MARK4: variants seen among roughly 807,000 people sequenced by gnomAD.
The protein encoded by MARK4 is microtubule affinity regulating kinase 4.
In MARK4, 19 loss-of-function variants were observed where a neutral mutation model predicts 81.5. The ratio of observed to expected loss-of-function variants is 0.23; its 90% CI spans 0.16 to 0.34. The LOEUF is 0.34. Ranked by LOEUF, MARK4 falls within the 10% of genes least tolerant of loss-of-function variation. MARK4 has a pLI of 1.00. For missense variants in MARK4, 772 were observed against 1,058.8 expected, an observed-to-expected ratio of 0.73 and a Z score of 3.76; for synonymous variants, 436 against 439.0, an observed-to-expected ratio of 0.99 and a Z score of 0.08.
chr19:45,273,243 G>A (rs1012740377), intron 8 of MARK4, among the ~76,000 whole-genome samples: 2 of 152,054 alleles, frequency 1.3e-5, no homozygotes, highest in South Asian at 2.1e-4. Flanking sequence ...CTTCACAATC[G>A]CTGGCCTGTG....
rs1464655246 is a variant in MARK4 at position 45,279,407 on chromosome 19, C to G, written c.1006+792C>G. Among the ~76,000 whole-genome samples the G allele has an allele frequency of 2.6e-5, 4 of 152,252 alleles. No homozygotes were observed. In the South Asian group the frequency reaches 6.2e-4, roughly 24 times the overall value. ...TGGCAGGCACCCGTAATCCCAGCTC[C>G]TCTGGAGGCTGAGGCACGAGAATTG... is the stretch of plus-strand genomic sequence containing the variant. On this transcript the variant is annotated intron_variant, in intron 10 of 16. Coordinates refer to ENST00000262891, the MANE Select transcript of MARK4 (RefSeq NM_001199867.2).
rs1485762517 is a variant in MARK4, at chr19:45,264,727, G to A, written c.399G>A (p.Leu133=). The A allele has an allele frequency of 2.5e-6, 4 of 1,614,110 alleles. No homozygotes were observed. Among genetic ancestry groups the A allele is most frequent in the Non-Finnish European group, 3.4e-6 (4 of 1,180,034 alleles). ...EVIETEKTLY[L]VMEYASAGEV... is the part of the protein sequence containing the mutation. The stretch of plus-strand genomic sequence containing the variant: ...TTGAGACTGAGAAGACGCTGTACCT[G>A]GTGATGGAGTACGCAAGTGCTGGTG... Residue 133 remains leucine (L), a synonymous_variant, in exon 5 of 17, where the codon CTG becomes CTA. Transcript: ENST00000262891.
At position 45,302,963 on chromosome 19, in the gene MARK4, A is replaced by C. The variant is rs1970998342; in HGVS notation, c.*253A>C. 7.0e-6 allele frequency: 4 copies of C among 569,506 alleles called. No individual in the cohort carries two copies. Among genetic ancestry groups the C allele is most frequent in the Non-Finnish European group, 1.2e-5 (4 of 329,924 alleles). The allele number at this position is 569,506 out of a possible 1,614,324, so 35.3% of individuals were successfully genotyped here. On this transcript the variant is annotated 3_prime_UTR_variant, in exon 17 of 17. Coordinates refer to ENST00000262891, the MANE Select transcript of MARK4 (RefSeq NM_001199867.2). The surrounding 1 kb of genome is among the most constrained non-coding windows in gnomAD (Gnocchi z 4.9). ...CAGTCCTGTCCTCCCTCGCCCTACC[A>C]AGAGGGCACCTGAGGAGACTTTGGG...
At chr19:45,255,916 A>G (rs1295518413) in intron 1 of MARK4, among the ~76,000 whole-genome samples, 1 of 152,236 alleles carries the variant, frequency 6.6e-6, no homozygotes, top group East Asian at 1.9e-4. Context: ...TGGGGCTTCC[A>G]ATCAGGCCAG....
At position 45,259,116 on chromosome 19, in the gene MARK4, G is replaced by A. The variant is rs774505246; in HGVS notation, c.179G>A (p.Arg60His). 18 of 1,614,142 alleles carry A rather than the reference G, an allele frequency of 1.1e-5. No individual in the cohort carries two copies. Among genetic ancestry groups the A allele is most frequent in the East Asian group, 4.5e-5 (2 of 44,882 alleles). Residue 60 changes from arginine (R) to histidine (H), a missense_variant, in exon 2 of 17, where the codon CGC becomes CAC. Arg to His is a conservative substitution (Grantham distance 29). Around this residue, in one of 3 missense-constraint regions of MARK4, gnomAD observed 115 missense variants for 139.8 expected, o/e 0.82. Transcript: ENST00000262891. ...PEEQPHVGNY[R>H]LLRTIGKGNF... ...GAGCAGCCCCACGTGGGCAACTACC[G>A]CCTGCTGAGGACCATTGGGAAGGGC... is the stretch of plus-strand genomic sequence containing the variant.
At chr19:45,260,625 A>G (rs1970368837) in intron 2 of MARK4, among the ~76,000 whole-genome samples, 4 of 152,194 alleles carry the variant, frequency 2.6e-5, no homozygotes, top group Admixed American at 2.6e-4. Context: ...GGAACCCAGG[A>G]GGCGAAGGCC....
In MARK4 at chr19:45,260,389, C is replaced by CAA. The variant is rs35221473; in HGVS notation, c.252+1217_252+1218dup. On this transcript the variant is annotated intron_variant, in intron 2 of 16. Coordinates refer to ENST00000262891, the MANE Select transcript of MARK4 (RefSeq NM_001199867.2). The stretch of plus-strand genomic sequence containing the variant: ...GGGCAACAAGACCGAGACTTTGTCT[C>CAA]AAAAAAAAAAAAAAAAAATTGGCCG... Among the ~76,000 whole-genome samples, 627 of 110,832 alleles carry CAA rather than the reference C, an allele frequency of 5.7e-3. 1 individual carries two copies. Among genetic ancestry groups the CAA allele is most frequent in the Middle Eastern group, 0.016 (3 of 186 alleles). The allele number at this position is 110,832 out of a possible 152,430, so 72.7% of individuals were successfully genotyped here. A position where few individuals can be genotyped will look rare whatever the true frequency, so the allele number is the denominator to read the frequency against.
intron 14 of MARK4, 96 bp downstream of exon 14, chr19:45,294,548 G>C: frequency 5.7e-6 from 6 of 1,061,238 alleles, no homozygotes; most frequent in Non-Finnish European, 8.5e-6. Flanking sequence ...GGAGGCTGGT[G>C]CCATGGGGAC....
chr19:45,300,875 G>C (rs1244389001), intron 16 of MARK4, among the ~76,000 whole-genome samples: 2 of 151,966 alleles, frequency 1.3e-5, no homozygotes, highest in Admixed American at 6.6e-5. Flanking sequence ...CACAGTGGCC[G>C]GGAAGTAGAA....
At chr19:45,300,197 TAGCC>T (rs1356141498) in intron 16 of MARK4, among the ~76,000 whole-genome samples, 2 of 151,826 alleles carry the variant, frequency 1.3e-5, no homozygotes, top group Non-Finnish European at 2.9e-5. Flanking sequence ...ATACAAAAAT[TAGCC>T]GGGCGTAGTG....
chr19:45,288,068 A>T (rs1313110362), intron 13 of MARK4: 4 of 220,742 alleles, frequency 1.8e-5, no homozygotes, highest in Non-Finnish European at 3.7e-5. Context: ...CTCAACTAAA[A>T]ATCAAAAAAA....
intron 12 of MARK4, among the ~76,000 whole-genome samples, chr19:45,282,007 T>G (rs964351208): frequency 6.6e-6 from 1 of 151,884 alleles, no homozygotes; most frequent in Non-Finnish European, 1.5e-5. Flanking sequence ...GTGGATCACC[T>G]GAGGTTGGGA....
chr19:45,305,162 G>C lies in MARK4; in HGVS notation c.*2452G>C, dbSNP rs534526364. ...GCAAAGTGGGCAGGACCTGGTAACA[G>C]GTGTCTGGACTGTGGCTTTGGCTGG... On this transcript the variant is annotated 3_prime_UTR_variant, in exon 17 of 17. Transcript: ENST00000262891. 1 of 152,752 alleles carries C rather than the reference G, an allele frequency of 6.5e-6. No individual in the cohort carries two copies. The highest frequency in any genetic ancestry group is 2.1e-4 in the South Asian group (1 of 4,836). 9.5% of individuals were successfully genotyped at this position (152,752 alleles called of 1,614,324 possible). A position where few individuals can be genotyped will look rare whatever the true frequency, so the allele number is the denominator to read the frequency against.
intron 1 of MARK4, among the ~76,000 whole-genome samples, chr19:45,255,066 G>A (rs899609701): frequency 6.6e-6 from 1 of 152,266 alleles, no homozygotes; most frequent in East Asian, 1.9e-4. Context: ...GCTGTGTGTG[G>A]TGGTGCACTC....
rs869039919 is a variant in MARK4 at position 45,283,409 on chromosome 19, CAAAAAAAAAAA to C, written c.1276+2692_1276+2702del. Among the ~76,000 whole-genome samples the C allele has an allele frequency of 3.2e-4, 28 of 86,402 alleles. No individual in the cohort carries two copies. In the Admixed American group the frequency reaches 3.8e-3, roughly 12 times the overall value. 56.7% of individuals were successfully genotyped at this position (86,402 alleles called of 152,430 possible). ...GGGCGATAAGAGTGAGACTTCCTCT[CAAAAAAAAAAA>C]AAAAAAAAAAAAAAAATCAACTTCC... On this transcript the variant is annotated intron_variant, in intron 12 of 16. Coordinates refer to ENST00000262891, the MANE Select transcript of MARK4 (RefSeq NM_001199867.2).
chr19:45,301,838 C>G (rs907263263), intron 16 of MARK4, among the ~76,000 whole-genome samples: 4 of 148,332 alleles, frequency 2.7e-5, no homozygotes, highest in Non-Finnish European at 5.9e-5. Flanking sequence ...GCACTCCAGC[C>G]TGGGTAACAA....
chr19:45,263,267 C>G, intron 3 of MARK4, 52 bp from the exon 4 acceptor site: 2 of 1,614,044 alleles, frequency 1.2e-6, no homozygotes, highest in Admixed American at 3.3e-5. Context: ...GAAAGGATCC[C>G]CCAAGCCACC....
At chr19:45,256,839 C>G (rs1970313511) in intron 1 of MARK4, among the ~76,000 whole-genome samples, 1 of 152,212 alleles carries the variant, frequency 6.6e-6, no homozygotes, top group African/African-American at 2.4e-5. Context: ...CTCCATTTTT[C>G]CAACAGCCTG....
chr19:45,292,136 G>A (rs977017054), intron 13 of MARK4, among the ~76,000 whole-genome samples: 4 of 152,120 alleles, frequency 2.6e-5, no homozygotes, highest in South Asian at 4.1e-4. Flanking sequence ...CTCAACATAG[G>A]AACAGGAGAG....
Sources: gnomAD v4.1 joint callset for allele counts (sites outside exome capture counted in the v4.1 genomes callset) on GRCh38, gnomAD v4.1.1 for gene constraint, gnomAD v4.1.1 regional missense constraint, Gnocchi (gnomAD v3.1) non-coding constraint, MANE v1.5 for transcripts, NCBI Gene and HGNC (gene_info 2026-07-23, HGNC 2026-07-21) for gene names.